GALNT13: variants seen among roughly 807,000 people sequenced by gnomAD.
GALNT13 encodes the protein UDP-GalNAc:polypeptide N-acetylgalactosaminyltransferase 13.
In GALNT13, 28 loss-of-function variants were observed where a neutral mutation model predicts 64.2. The observed-to-expected ratio is 0.44, with a 90% CI of 0.32 to 0.60. GALNT13 has a LOEUF of 0.60. Ranked by LOEUF, GALNT13 falls within the 20% of genes least tolerant of loss-of-function variation. GALNT13 has a pLI of 0.05. For synonymous variants in GALNT13, 214 were observed against 224.6 expected (o/e 0.95, Z 0.42); for missense variants, 577 against 669.8 (o/e 0.86, Z 1.53).
chr2:153,821,475 C>A, the GALNT13 span, among the ~76,000 whole-genome samples: 1 of 152,094 alleles, frequency 6.6e-6, no homozygotes, highest in African/African-American at 2.4e-5. Flanking sequence ...AATTAAACTT[C>A]TCCTGAATGA....
At chr2:154,314,822 C>T (rs116435467) in intron 9 of GALNT13, among the ~76,000 whole-genome samples, 1 of 152,272 alleles carries the variant, frequency 6.6e-6, no homozygotes, top group African/African-American at 2.4e-5. Flanking sequence ...CATTGGGGAT[C>T]ATATTTCAGT....
the GALNT13 span, among the ~76,000 whole-genome samples, chr2:153,483,677 A>G: frequency 3.3e-5 from 5 of 152,152 alleles, no homozygotes; most frequent in African/African-American, 1.2e-4. Context: ...TGGCCTCCCA[A>G]AGAGCTGGGA....
intron 2 of GALNT13, among the ~76,000 whole-genome samples, chr2:153,907,563 A>T (rs961516300): frequency 6.6e-6 from 1 of 151,786 alleles, no homozygotes; most frequent in South Asian, 2.1e-4. Context: ...GCCACCCTCT[A>T]TCCTAAGGTA....
At chr2:154,329,790 A>G (rs1232932999) in intron 9 of GALNT13, among the ~76,000 whole-genome samples, 1 of 151,990 alleles carries the variant, frequency 6.6e-6, no homozygotes, top group Non-Finnish European at 1.5e-5. Context: ...GGTTGTTAAA[A>G]AAAAGCCCTG....
chr2:153,433,985 C>G, the GALNT13 span, among the ~76,000 whole-genome samples: 2 of 152,072 alleles, frequency 1.3e-5, no homozygotes, highest in African/African-American at 4.8e-5. Flanking sequence ...CCTGCTCCCC[C>G]CACCCCACAA....
At chr2:153,948,846 G>T (rs990673347) in intron 3 of GALNT13, among the ~76,000 whole-genome samples, 2 of 152,002 alleles carry the variant, frequency 1.3e-5, no homozygotes, top group Non-Finnish European at 2.9e-5. Context: ...ACACTCTAAG[G>T]TGGAGGGCAG....
chr2:153,298,941 T>C, the GALNT13 span, among the ~76,000 whole-genome samples: 1 of 152,180 alleles, frequency 6.6e-6, no homozygotes, highest in Non-Finnish European at 1.5e-5. Context: ...GGAATAGATA[T>C]TTTTTCTTAC....
At chr2:154,057,585 A>G (rs1699958891) in intron 3 of GALNT13, among the ~76,000 whole-genome samples, 1 of 152,250 alleles carries the variant, frequency 6.6e-6, no homozygotes, top group Non-Finnish European at 1.5e-5. Context: ...AATCAACTGT[A>G]TTAAATGCAA....
In GALNT13 at chr2:153,937,744, A is replaced by G. The variant is rs191812212; in HGVS notation, c.-104-6650A>G. Among the ~76,000 whole-genome samples the G allele has an allele frequency of 8.5e-4, 130 of 152,350 alleles. 1 individual carries two copies. The highest frequency in any genetic ancestry group is 1.4e-3 in the Non-Finnish European group (98 of 68,022). On this transcript the variant is annotated intron_variant, in intron 2 of 12. Transcript: ENST00000392825. ...TGAAAAGTGGCACAGAATTTGCTGC[A>G]CAATCAAATATGGAATGTGAAAGAA...
intron 3 of GALNT13, among the ~76,000 whole-genome samples, chr2:154,092,911 A>G (rs1312290775): frequency 6.6e-6 from 1 of 152,048 alleles, no homozygotes; most frequent in Non-Finnish European, 1.5e-5. Context: ...AAATGACTCT[A>G]GATTCTGTGC....
At chr2:153,210,751 C>A in the GALNT13 span, among the ~76,000 whole-genome samples, 1 of 152,072 alleles carries the variant, frequency 6.6e-6, no homozygotes, top group Non-Finnish European at 1.5e-5. Flanking sequence ...GTTTAGTTGG[C>A]AATTTTAGAC....
intron 4 of GALNT13, among the ~76,000 whole-genome samples, chr2:154,169,803 G>A (rs893302076): frequency 3.3e-5 from 5 of 152,210 alleles, no homozygotes; most frequent in South Asian, 2.1e-4. Flanking sequence ...AGCACCCACC[G>A]TATTCAATGA....
the GALNT13 span, among the ~76,000 whole-genome samples, chr2:153,758,948 A>T: frequency 6.6e-6 from 1 of 152,188 alleles, no homozygotes; most frequent in Admixed American, 6.6e-5. Flanking sequence ...AAATATCTTT[A>T]CATTTACTTG....
chr2:154,098,965 G>C (rs1024777975), intron 3 of GALNT13, among the ~76,000 whole-genome samples: 1 of 151,950 alleles, frequency 6.6e-6, no homozygotes, highest in Middle Eastern at 3.4e-3. Context: ...TCAAATGGAA[G>C]TTCTCTTTTT....
chr2:153,845,394 G>T, the GALNT13 span, among the ~76,000 whole-genome samples: 1 of 152,162 alleles, frequency 6.6e-6, no homozygotes, highest in Non-Finnish European at 1.5e-5. Flanking sequence ...AAAAGCAGGA[G>T]CAAGAGAGAG....
the GALNT13 span, among the ~76,000 whole-genome samples, chr2:153,440,271 G>A: frequency 6.6e-6 from 1 of 152,180 alleles, no homozygotes; most frequent in Non-Finnish European, 1.5e-5. Context: ...CCCTGCAAAG[G>A]ACATGAACTC....
intron 3 of GALNT13, among the ~76,000 whole-genome samples, chr2:153,989,065 A>AT (rs11420543): frequency 0.77 from 116,262 of 151,694 alleles, 44,959 homozygotes; most frequent in East Asian, 0.96. Flanking sequence ...TTACTGTTAC[A>AT]TTTTTCCAGT....
intron 9 of GALNT13, among the ~76,000 whole-genome samples, chr2:154,332,730 A>G (rs1444943639): frequency 6.6e-6 from 1 of 152,090 alleles, no homozygotes; most frequent in Non-Finnish European, 1.5e-5. Context: ...TTTCCCAGAG[A>G]AATGTTACTG....
chr2:154,066,832 C>A (rs1330515033), intron 3 of GALNT13, among the ~76,000 whole-genome samples: 1 of 151,696 alleles, frequency 6.6e-6, no homozygotes, highest in Non-Finnish European at 1.5e-5. Flanking sequence ...CAGAAAAACA[C>A]AGACTATTGT....
Sources: gnomAD v4.1 joint callset for allele counts (sites outside exome capture counted in the v4.1 genomes callset) on GRCh38, gnomAD v4.1.1 for gene constraint, MANE v1.5 for transcripts, NCBI Gene and HGNC (gene_info 2026-07-23, HGNC 2026-07-21) for gene names.